VPS4B: variants seen among roughly 807,000 people sequenced by gnomAD.
VPS4B encodes vacuolar protein sorting 4 homolog B, also known as vacuolar protein sorting-associated protein 4B.
VPS4B carries 23 observed loss-of-function variants against 56.1 expected under a neutral mutation model. That is an observed-to-expected ratio of 0.41 (90% CI 0.30 to 0.58). The LOEUF is 0.58. Ranked by LOEUF, VPS4B falls within the 20% of genes least tolerant of loss-of-function variation. The pLI, the probability that VPS4B is intolerant of heterozygous loss-of-function variation, is 0.29. For missense variants in VPS4B, 372 were observed against 531.9 expected (o/e 0.70, Z 2.96); for synonymous variants, 177 against 186.0 (o/e 0.95, Z 0.39).
At chr18:63,418,276 C>T (rs1328775275) in intron 1 of VPS4B, among the ~76,000 whole-genome samples, 3 of 152,196 alleles carry the variant, frequency 2.0e-5, no homozygotes, top group African/African-American at 7.2e-5. Flanking sequence ...ATTTCTCCCA[C>T]AGCAATGCTT....
chr18:63,419,505 A>G (rs527918146), intron 1 of VPS4B, among the ~76,000 whole-genome samples: 2 of 152,072 alleles, frequency 1.3e-5, no homozygotes, highest in African/African-American at 4.8e-5. Context: ...CTTCATTTGA[A>G]TGGATACTCT....
Position 63,400,116 on chromosome 18 carries a change from CCA to C in VPS4B, c.720_721del (p.Cys240TrpfsTer5), listed in dbSNP as rs762546889. 2 of 1,613,608 alleles carry C rather than the reference CCA, an allele frequency of 1.2e-6. No individual in the cohort carries two copies. Among genetic ancestry groups the C allele is most frequent in the South Asian group, 2.2e-5 (2 of 91,038 alleles). On this transcript the variant is annotated frameshift_variant, in exon 7 of 11. Coordinates refer to ENST00000238497, the MANE Select transcript of VPS4B (RefSeq NM_004869.4). LOFTEE classifies it high-confidence loss of function. ...TTCACTTTCATTTTCACTTCTTGAA[CCA>C]CAGAGAGAATCAATTTCATCAATGA...
intron 1 of VPS4B, among the ~76,000 whole-genome samples, chr18:63,419,111 C>A (rs1266864328): frequency 1.3e-5 from 2 of 152,158 alleles, no homozygotes; most frequent in Admixed American, 6.5e-5. Flanking sequence ...TCAGACTCTT[C>A]CTCCTCCCTC....
chr18:63,407,570 A>G, intron 3 of VPS4B, 71 bp from the exon 4 acceptor site: 2 of 1,215,326 alleles, frequency 1.6e-6, no homozygotes, highest in East Asian at 2.5e-5. Flanking sequence ...TGAAGGAAAA[A>G]TTAACCTGAA....
chr18:63,402,911 A>G lies in VPS4B; in HGVS notation c.484+796T>C, dbSNP rs537753104. On this transcript the variant is annotated intron_variant, in intron 5 of 10. Transcript: ENST00000238497. ...GGCCAACATTGCAGATTTGCTGTTG[A>G]CATAAACCAACATGTTTGCAAAAGG... Among the ~76,000 whole-genome samples, 11 of 152,340 alleles carry G rather than the reference A, an allele frequency of 7.2e-5. No homozygotes were observed. In the East Asian group the frequency reaches 2.1e-3, roughly 29 times the overall value.
intron 8 of VPS4B, among the ~76,000 whole-genome samples, chr18:63,397,885 G>A (rs1438162582): frequency 2.6e-5 from 4 of 152,202 alleles, no homozygotes; most frequent in South Asian, 2.1e-4. Context: ...TAAAGTTTCC[G>A]TTGCCTCTAG....
rs142176326 is a variant in VPS4B at position 63,406,890 on chromosome 18, T to C, written c.364+542A>G. ...CCAAAAACCTATGTCCCCTCTGTTA[T>C]GCCACTGTGCTATAGTAGAACAGAA... is the stretch of plus-strand genomic sequence containing the variant. On this transcript the variant is annotated intron_variant, in intron 4 of 10. Coordinates refer to ENST00000238497, the MANE Select transcript of VPS4B (RefSeq NM_004869.4). 4.6e-3 allele frequency among the ~76,000 whole-genome samples: 703 copies of C among 152,314 alleles called. 3 individuals carry two copies. The highest frequency in any genetic ancestry group is 0.015 in the African/African-American group (619 of 41,570).
chr18:63,392,787 G>A (rs188779617), intron 10 of VPS4B, among the ~76,000 whole-genome samples: 1 of 147,388 alleles, frequency 6.8e-6, no homozygotes, highest in East Asian at 2.0e-4. Context: ...GTCTCGCTCT[G>A]TTGCCCAGGC....
intron 1 of VPS4B, among the ~76,000 whole-genome samples, chr18:63,412,730 T>C (rs1916071922): frequency 6.6e-6 from 1 of 152,184 alleles, no homozygotes; most frequent in South Asian, 2.1e-4. Context: ...TCTCACTATG[T>C]CGACCAAGCT....
At chr18:63,411,018 CATTCTT>C (rs1342180482) in intron 2 of VPS4B, among the ~76,000 whole-genome samples, 1 of 152,210 alleles carries the variant, frequency 6.6e-6, no homozygotes, top group African/African-American at 2.4e-5. Context: ...GGTTATGACT[CATTCTT>C]AGTCTCACTT....
At chr18:63,411,811 G>C (rs1419572366) in intron 1 of VPS4B, among the ~76,000 whole-genome samples, 1 of 151,994 alleles carries the variant, frequency 6.6e-6, no homozygotes, top group Non-Finnish European at 1.5e-5. Flanking sequence ...ACATGTTATA[G>C]GAATAAATGC....
At chr18:63,403,140 C>T (rs573046069) in intron 5 of VPS4B, among the ~76,000 whole-genome samples, 3 of 152,356 alleles carry the variant, frequency 2.0e-5, no homozygotes, top group African/African-American at 7.2e-5. Context: ...AGAGGTTATG[C>T]ACTTCCTCTG....
chr18:63,398,204 C>CACACACATATATATATAT (rs1298374245), intron 8 of VPS4B, among the ~76,000 whole-genome samples: 64 of 112,476 alleles, frequency 5.7e-4, no homozygotes, highest in African/African-American at 2.1e-3. Context: ...CACACACACA[C>CACACACATATATATATAT]ATATATATAT....
rs1353076701 is a variant in VPS4B, at chr18:63,405,589, C to A, written c.365-1763G>T. Among the ~76,000 whole-genome samples the A allele has an allele frequency of 2.6e-5, 4 of 151,410 alleles. No individual in the cohort carries two copies. The East Asian group carries it at 7.7e-4, about 29-fold the overall frequency. ...ATGTTTTAAGTATTTGGTTTTTTTT[C>A]TCTTTTATTTGTTTGTTTTACATTT... On this transcript the variant is annotated intron_variant, in intron 4 of 10. Transcript: ENST00000238497.
At chr18:63,411,094 C>T (rs1916031077) in intron 2 of VPS4B, among the ~76,000 whole-genome samples, 1 of 152,208 alleles carries the variant, frequency 6.6e-6, no homozygotes, top group African/African-American at 2.4e-5. Context: ...AATCATCTAA[C>T]TGCATTCCAT....
Position 63,391,064 on chromosome 18 carries a change from G to T in VPS4B, c.1246C>A (p.Arg416=). ...GTAGGTTTTGTGTTAGATAGTGACC[G>T]CAACATATCCGACTGTCAGGGAAAA... is the stretch of plus-strand genomic sequence containing the variant. ...EPVVSMSDML[R]SLSNTKPTVN... The change falls in exon 11 of 11, where the codon CGG becomes AGG. Residue 416 remains arginine (R), a synonymous_variant. Coordinates refer to ENST00000238497, the MANE Select transcript of VPS4B (RefSeq NM_004869.4). The T allele has an allele frequency of 6.2e-7, 1 of 1,610,760 alleles. No homozygotes were observed. Among genetic ancestry groups the T allele is most frequent in the Non-Finnish European group, 8.5e-7 (1 of 1,177,422 alleles).
chr18:63,415,378 G>T, intron 1 of VPS4B: 1 of 256,274 alleles, frequency 3.9e-6, no homozygotes, highest in Admixed American at 4.3e-5. Flanking sequence ...GCTGGCTACT[G>T]CTATCTCAAA....
At chr18:63,399,060 T>C (rs1266535741) in intron 8 of VPS4B, among the ~76,000 whole-genome samples, 182 bp downstream of exon 8, 1 of 152,116 alleles carries the variant, frequency 6.6e-6, no homozygotes, top group East Asian at 1.9e-4. Flanking sequence ...TTTGATAAAC[T>C]AGGGAAACAA....
intron 1 of VPS4B, among the ~76,000 whole-genome samples, chr18:63,421,070 GA>G (rs1420456694): frequency 6.6e-6 from 1 of 150,892 alleles, no homozygotes; most frequent in Non-Finnish European, 1.5e-5. Flanking sequence ...AAAAGAAAAG[GA>G]AAAAAACACA....
Sources: gnomAD v4.1 joint callset for allele counts (sites outside exome capture counted in the v4.1 genomes callset) on GRCh38, gnomAD v4.1.1 for gene constraint, MANE v1.5 for transcripts, NCBI Gene and HGNC (gene_info 2026-07-23, HGNC 2026-07-21) for gene names.